GUCY1A1: variants seen among roughly 807,000 people sequenced by gnomAD.
GUCY1A1 encodes guanylate cyclase 1 soluble subunit alpha 1.
A neutral mutation model predicts 64.5 loss-of-function variants in GUCY1A1; 48 were observed. The observed-to-expected ratio is 0.74, with a 90% CI of 0.59 to 0.95. GUCY1A1 has a LOEUF of 0.95. Ranked by LOEUF, GUCY1A1 falls within the 40% of genes least tolerant of loss-of-function variation. GUCY1A1 has a pLI of 0.00. For synonymous variants in GUCY1A1, 308 were observed against 303.4 expected, an observed-to-expected ratio of 1.02 and a Z score of -0.16; for missense variants, 804 against 825.3, an observed-to-expected ratio of 0.97 and a Z score of 0.32.
Position 155,708,292 on chromosome 4 carries a change from C to A in GUCY1A1, c.374C>A (p.Ala125Glu). 6.6e-7 allele frequency: 1 copy of A among 1,513,766 alleles called. No homozygotes were observed. The highest frequency in any genetic ancestry group is 9.2e-7 in the Non-Finnish European group (1 of 1,089,748). The allele number at this position is 1,513,766 out of a possible 1,614,324, so 93.8% of individuals were successfully genotyped here. A position where few individuals can be genotyped will look rare whatever the true frequency, so the allele number is the denominator to read the frequency against. ...EKTIAEQAVA[A>E]GVPVEVIKES... Reference sequence around the variant, plus strand: ...ACAATTGCAGAGCAAGCAGTTGCAGCAGGTAATAGAATTGTTTATGTAATT... The same window carrying A: ...ACAATTGCAGAGCAAGCAGTTGCAGAAGGTAATAGAATTGTTTATGTAATT... The change falls in exon 5 of 10, where the codon GCA becomes GAA. Residue 125 changes from alanine (A) to glutamate (E), a missense_variant and splice_region_variant. Physicochemically the swap from Ala to Glu is moderately radical, Grantham distance 107. Transcript: ENST00000506455.
At position 155,708,244 on chromosome 4, in the gene GUCY1A1, T is replaced by C; in HGVS notation, c.326T>C (p.Leu109Ser). The change falls in exon 5 of 10, where the codon TTG (leucine) becomes TCG (serine). Residue 109 changes from leucine (L) to serine (S), a missense_variant. Physicochemically the swap from Leu to Ser is moderately radical, Grantham distance 145. Coordinates refer to ENST00000506455, the MANE Select transcript of GUCY1A1 (RefSeq NM_001130682.3). ...TATTGAAATATTTCCAGGAAATCTT[T>C]GGAAAGAGAAGACTTTGAAAAAACA... Reference protein sequence around the residue: ...KHKIKESRKSLEREDFEKTIA... With the variant: ...KHKIKESRKSSEREDFEKTIA... The C allele has an allele frequency of 2.7e-6, 4 of 1,483,924 alleles. No homozygotes were observed. Among genetic ancestry groups the C allele is most frequent in the Non-Finnish European group, 3.8e-6 (4 of 1,063,080 alleles). The allele number at this position is 1,483,924 out of a possible 1,614,324, so 91.9% of individuals were successfully genotyped here.
intron 2 of GUCY1A1, among the ~76,000 whole-genome samples, chr4:155,672,241 T>C (rs985927477): frequency 6.6e-6 from 1 of 152,130 alleles, no homozygotes; most frequent in African/African-American, 2.4e-5. Flanking sequence ...AGAATAGCCA[T>C]TTTCACCAAT....
chr4:155,733,006 G>T lies in GUCY1A1; in HGVS notation c.*2775G>T, dbSNP rs1035766587. On this transcript the variant is annotated 3_prime_UTR_variant, in exon 10 of 10. Transcript: ENST00000506455. ...GAATTAAAATGTTTCTTTCCATTTT[G>T]CTTTGTTTTTCTATATCGATCTAGA... is the stretch of plus-strand genomic sequence containing the variant. 1.3e-5 allele frequency among the ~76,000 whole-genome samples: 2 copies of T among 151,748 alleles called. No individual in the cohort carries two copies. The highest frequency in any genetic ancestry group is 1.3e-4 in the Admixed American group (2 of 15,198).
At chr4:155,704,023 C>G (rs370798432) in intron 4 of GUCY1A1, 30 bp downstream of exon 4, 1 of 1,371,220 alleles carries the variant, frequency 7.3e-7, no homozygotes, top group African/African-American at 1.4e-5. Flanking sequence ...TTGTGTGAAC[C>G]TCTTATTACA....
chr4:155,672,640 CTTCACA>C (rs1435357399), intron 2 of GUCY1A1, among the ~76,000 whole-genome samples: 13 of 152,160 alleles, frequency 8.5e-5, no homozygotes, highest in Admixed American at 8.5e-4. Flanking sequence ...GATAACAGCA[CTTCACA>C]TTTTGAATGC....
At chr4:155,706,511 GC>G (rs1174733281) in intron 4 of GUCY1A1, among the ~76,000 whole-genome samples, 14 of 150,018 alleles carry the variant, frequency 9.3e-5, no homozygotes. Context: ...GACTAGAGCT[GC>G]CCCCCTCCTC....
intron 2 of GUCY1A1, among the ~76,000 whole-genome samples, chr4:155,684,886 A>G (rs1264203379): frequency 6.6e-6 from 1 of 152,146 alleles, no homozygotes; most frequent in Non-Finnish European, 1.5e-5. Context: ...AAACTTCATT[A>G]CCTTAATTGA....
At position 155,730,008 on chromosome 4, in the gene GUCY1A1, T is replaced by A; in HGVS notation, c.1872-22T>A. On this transcript the variant is annotated intron_variant, in intron 9 of 9. Coordinates refer to ENST00000506455, the MANE Select transcript of GUCY1A1 (RefSeq NM_001130682.3). ...TTGAGTGGACAAACATTTATGTCAG[T>A]ATTATATTTTAATATTTTCAGATTA... The A allele has an allele frequency of 2.2e-6, 3 of 1,394,524 alleles. No individual in the cohort carries two copies. The South Asian group carries it at 3.5e-5, about 16-fold the overall frequency. 86.4% of individuals were successfully genotyped at this position (1,394,524 alleles called of 1,614,324 possible). A position where few individuals can be genotyped will look rare whatever the true frequency, so the allele number is the denominator to read the frequency against.
chr4:155,701,714 G>A (rs1221648683), intron 3 of GUCY1A1, among the ~76,000 whole-genome samples: 1 of 151,486 alleles, frequency 6.6e-6, no homozygotes, highest in African/African-American at 2.4e-5. Context: ...TGAGGCAAGA[G>A]GATCACTGGA....
At chr4:155,691,343 T>G (rs1729708177) in intron 2 of GUCY1A1, among the ~76,000 whole-genome samples, 1 of 152,230 alleles carries the variant, frequency 6.6e-6, no homozygotes, top group Non-Finnish European at 1.5e-5. Context: ...TTGTCCTGCT[T>G]TCCTGATATA....
At chr4:155,688,841 G>A (rs1729359606) in intron 2 of GUCY1A1, among the ~76,000 whole-genome samples, 1 of 151,936 alleles carries the variant, frequency 6.6e-6, no homozygotes, top group Admixed American at 6.6e-5. Context: ...TTAGTTAAAA[G>A]ATACATTGAA....
intron 2 of GUCY1A1, among the ~76,000 whole-genome samples, chr4:155,676,546 T>C (rs1211061194): frequency 6.6e-6 from 1 of 151,546 alleles, no homozygotes; most frequent in Non-Finnish European, 1.5e-5. Flanking sequence ...TGGCTGTGTT[T>C]CTATTTACAT....
intron 6 of GUCY1A1, among the ~76,000 whole-genome samples, chr4:155,712,616 A>G (rs533222174): frequency 1.3e-5 from 2 of 152,306 alleles, no homozygotes; most frequent in Admixed American, 1.3e-4. Flanking sequence ...TGCCAGATGG[A>G]GCAAGTACTT....
Position 155,730,287 on chromosome 4 carries a change from A to C in GUCY1A1, c.*56A>C. 1.0e-5 allele frequency: 11 copies of C among 1,064,458 alleles called. No homozygotes were observed. In the South Asian group the frequency reaches 1.4e-4, roughly 14 times the overall value. The allele number at this position is 1,064,458 out of a possible 1,614,324, so 65.9% of individuals were successfully genotyped here. A position where few individuals can be genotyped will look rare whatever the true frequency, so the allele number is the denominator to read the frequency against. ...GGTTTGACTCATTGAAGATGTGTAG[A>C]GCCTCTGAAAGCACTTTAGGGATTG... is the stretch of plus-strand genomic sequence containing the variant. On this transcript the variant is annotated 3_prime_UTR_variant, in exon 10 of 10. Coordinates refer to ENST00000506455, the MANE Select transcript of GUCY1A1 (RefSeq NM_001130682.3).
intron 4 of GUCY1A1, among the ~76,000 whole-genome samples, chr4:155,705,772 T>C (rs2126810901): frequency 6.6e-6 from 1 of 152,336 alleles, no homozygotes; most frequent in East Asian, 1.9e-4. Context: ...TTTTCCTTGC[T>C]GACTAGCTGG....
chr4:155,706,902 A>G (rs1040203133), intron 4 of GUCY1A1, among the ~76,000 whole-genome samples: 7 of 152,234 alleles, frequency 4.6e-5, no homozygotes, highest in Non-Finnish European at 8.8e-5. Context: ...TTAAAACTGC[A>G]AAAAAATCTT....
chr4:155,684,717 T>G (rs1728749662), intron 2 of GUCY1A1, among the ~76,000 whole-genome samples: 1 of 152,190 alleles, frequency 6.6e-6, no homozygotes, highest in Admixed American at 6.5e-5. Context: ...AAAGATCCTT[T>G]AAATGTGGCA....
intron 3 of GUCY1A1, among the ~76,000 whole-genome samples, chr4:155,699,921 T>C (rs1730867226): frequency 6.6e-6 from 1 of 152,158 alleles, no homozygotes; most frequent in Admixed American, 6.6e-5. Context: ...CGTTCTCAAG[T>C]AATGGAATAC....
At chr4:155,713,873 G>A (rs574551701) in intron 7 of GUCY1A1, among the ~76,000 whole-genome samples, 8 of 152,126 alleles carry the variant, frequency 5.3e-5, no homozygotes, top group Admixed American at 2.6e-4. Context: ...AATGGAGGAT[G>A]GGGTGTAGGA....
Sources: allele counts gnomAD v4.1 joint callset (sites outside exome capture counted in the v4.1 genomes callset), GRCh38; gene constraint gnomAD v4.1.1; transcripts MANE v1.5; gene names NCBI Gene and HGNC (gene_info 2026-07-23, HGNC 2026-07-21).